The following COL23A1 variants were observed in gnomAD, a reference collection of about 807,000 sequenced individuals.
COL23A1 encodes the protein collagen alpha-1(XXIII) chain.
Under a neutral mutation model 99.3 loss-of-function variants are expected in COL23A1, and 97 were observed. That is an observed-to-expected ratio of 0.98 (90% CI 0.83 to 1.16). The LOEUF is 1.16. Among genes scored for constraint, COL23A1 ranks in the 50% most tolerant of loss-of-function variants. The probability of loss-of-function intolerance (pLI) is 0.00; values close to 1 mark genes in which losing one functional copy is unlikely to be tolerated. For missense variants in COL23A1, 762 were observed against 757.4 expected, an observed-to-expected ratio of 1.01 and a Z score of -0.07; for synonymous variants, 320 against 308.2, an observed-to-expected ratio of 1.04 and a Z score of -0.40.
chr5:178,502,338 A>C (rs542802207), intron 2 of COL23A1, among the ~76,000 whole-genome samples: 1 of 152,126 alleles, frequency 6.6e-6, no homozygotes, highest in Non-Finnish European at 1.5e-5. Context: ...TCACCATGTT[A>C]GCCAGGATGG....
At position 178,288,597 on chromosome 5, in the gene COL23A1, G is replaced by A. The variant is rs1399631818; in HGVS notation, c.415-247C>T. On this transcript the variant is annotated intron_variant, in intron 4 of 28. Coordinates refer to ENST00000390654, the MANE Select transcript of COL23A1 (RefSeq NM_173465.4). ...ATCGGGGCTCCGGGCACAGTCACATGTGTGCCCTCCCCACGCTGGCCAGGC... is the reference window on the plus strand; with the variant it reads ...ATCGGGGCTCCGGGCACAGTCACATATGTGCCCTCCCCACGCTGGCCAGGC... The A allele has an allele frequency of 1.5e-5, 9 of 606,332 alleles. No homozygotes were observed. In the South Asian group the frequency reaches 1.8e-4, roughly 12 times the overall value. The allele number at this position is 606,332 out of a possible 1,614,324, so 37.6% of individuals were successfully genotyped here. A position where few individuals can be genotyped will look rare whatever the true frequency, so the allele number is the denominator to read the frequency against.
chr5:178,256,096 G>C (rs1406060715), intron 15 of COL23A1, among the ~76,000 whole-genome samples: 1 of 152,156 alleles, frequency 6.6e-6, no homozygotes, highest in Non-Finnish European at 1.5e-5. Context: ...TGCGCTTGAG[G>C]GGACCGAGAG....
rs55995523 is a variant in COL23A1, at chr5:178,365,136, C to CGTGT, written c.362-58221_362-58218dup. Among the ~76,000 whole-genome samples, 9,808 of 147,842 alleles carry CGTGT rather than the reference C, an allele frequency of 0.066. 331 individuals are homozygous for CGTGT. The highest frequency in any genetic ancestry group is 0.08 in the Middle Eastern group (23 of 286). On this transcript the variant is annotated intron_variant, in intron 2 of 28. Transcript: ENST00000390654. The surrounding 1 kb of genome is among the most constrained non-coding windows in gnomAD (Gnocchi z 5.2). ...GGGCTTTATGATGTTGCTGTGTGTG[C>CGTGT]GTGTGTGTGTGTGTGTGTGTGTGTG...
chr5:178,255,030 A>G lies in COL23A1; in HGVS notation c.883-4T>C, dbSNP rs1163348725. On this transcript the variant is annotated splice_polypyrimidine_tract_variant and splice_region_variant and intron_variant, in intron 15 of 28. Transcript: ENST00000390654. The surrounding 1 kb of genome is among the most constrained non-coding windows in gnomAD (Gnocchi z 4.2). ...CGCCCTTGAGGCCTGGGGCACCCTG[A>G]GGCAGGAAGAAGAGTAAGAATTTCA... is the stretch of plus-strand genomic sequence containing the variant. 6.2e-7 allele frequency: 1 copy of G among 1,612,664 alleles called. No homozygotes were observed. Among genetic ancestry groups the G allele is most frequent in the Middle Eastern group, 1.7e-4 (1 of 6,054 alleles).
intron 2 of COL23A1, among the ~76,000 whole-genome samples, chr5:178,484,226 G>A (rs1277407750): frequency 1.3e-5 from 2 of 152,020 alleles, no homozygotes; most frequent in East Asian, 3.9e-4. Flanking sequence ...GCCCAACCAA[G>A]ATTTTCAAAA....
chr5:178,387,173 T>C lies in COL23A1; in HGVS notation c.362-80254A>G, dbSNP rs1213485827. 2.0e-5 allele frequency among the ~76,000 whole-genome samples: 3 copies of C among 152,084 alleles called. No homozygotes were observed. Among genetic ancestry groups the C allele is most frequent in the Non-Finnish European group, 4.4e-5 (3 of 68,012 alleles). On this transcript the variant is annotated intron_variant, in intron 2 of 28. Coordinates refer to ENST00000390654, the MANE Select transcript of COL23A1 (RefSeq NM_173465.4). This position sits in a 1 kb window ranked among gnomAD's most constrained non-coding sequence, Gnocchi z 4.7. ...TCTTTCATTTTACCCATCCTGGTGC[T>C]GACAGCTCACAGCAACCCTGCCCGA...
intron 2 of COL23A1, among the ~76,000 whole-genome samples, chr5:178,379,789 G>C (rs988174723): frequency 6.6e-6 from 1 of 151,734 alleles, no homozygotes; most frequent in African/African-American, 2.4e-5. Context: ...GTTGAGGCAG[G>C]AGAATTGCTT....
At chr5:178,274,826 C>A (rs1315463243) in intron 5 of COL23A1, among the ~76,000 whole-genome samples, 1 of 152,196 alleles carries the variant, frequency 6.6e-6, no homozygotes, top group Non-Finnish European at 1.5e-5. Context: ...TGGAGATGCT[C>A]ATGACTGTCC....
intron 2 of COL23A1, among the ~76,000 whole-genome samples, chr5:178,437,096 A>C (rs1025946779): frequency 1.3e-5 from 2 of 152,126 alleles, no homozygotes; most frequent in East Asian, 1.9e-4. Context: ...AGTGGAGTAT[A>C]ATCTTGTTCT....
intron 2 of COL23A1, among the ~76,000 whole-genome samples, chr5:178,513,421 C>T (rs1759324804): frequency 6.6e-6 from 1 of 152,162 alleles, no homozygotes; most frequent in Non-Finnish European, 1.5e-5. Context: ...TGAACCCAGC[C>T]CCACTTTTTT....
At chr5:178,435,786 G>T (rs570368316) in intron 2 of COL23A1, among the ~76,000 whole-genome samples, 2 of 152,314 alleles carry the variant, frequency 1.3e-5, no homozygotes, top group Non-Finnish European at 2.9e-5. Context: ...CCTGGAGAGG[G>T]CACCCCCATC....
rs1758542237 is a variant in COL23A1 at position 178,309,378 on chromosome 5, G to A, written c.362-2459C>T. Among the ~76,000 whole-genome samples the A allele has an allele frequency of 1.3e-5, 2 of 152,082 alleles. No homozygotes were observed. The highest frequency in any genetic ancestry group is 1.3e-4 in the Admixed American group (2 of 15,282). On this transcript the variant is annotated intron_variant, in intron 2 of 28. Transcript: ENST00000390654. The surrounding 1 kb of genome is among the most constrained non-coding windows in gnomAD (Gnocchi z 4.7). ...CTGGGCAGGACTGGGGTGTTGCTGA[G>A]CATACAGGGCCTGTGAGCCGCAGGC... is the stretch of plus-strand genomic sequence containing the variant.
At chr5:178,510,209 C>T (rs1285666070) in intron 2 of COL23A1, among the ~76,000 whole-genome samples, 2 of 152,346 alleles carry the variant, frequency 1.3e-5, no homozygotes, top group Non-Finnish European at 2.9e-5. Context: ...TGCCCTGAAA[C>T]TGGCACTCAC....
chr5:178,522,564 C>T (rs975332469), intron 2 of COL23A1, among the ~76,000 whole-genome samples: 2 of 152,204 alleles, frequency 1.3e-5, no homozygotes, highest in East Asian at 1.9e-4. Flanking sequence ...TGTGACGAGC[C>T]GGTGGTCAGC....
At chr5:178,319,648 C>T (rs1171469691) in intron 2 of COL23A1, among the ~76,000 whole-genome samples, 2 of 152,200 alleles carry the variant, frequency 1.3e-5, no homozygotes, top group Admixed American at 6.5e-5. Context: ...AGGGAACTCT[C>T]GGGGTTCCTC....
chr5:178,344,629 C>T (rs1034105452), intron 2 of COL23A1, among the ~76,000 whole-genome samples: 2 of 150,612 alleles, frequency 1.3e-5, no homozygotes, highest in Admixed American at 6.6e-5. Flanking sequence ...GGCGACAGAG[C>T]GAGATTCTGT....
rs1350973183 is a variant in COL23A1, at chr5:178,366,795, C to T, written c.362-59876G>A. Among the ~76,000 whole-genome samples the T allele has an allele frequency of 6.6e-6, 1 of 152,208 alleles. No homozygotes were observed. The highest frequency in any genetic ancestry group is 1.5e-5 in the Non-Finnish European group (1 of 68,040). ...CATTATCTATTGCTGAGGCTCACAG[C>T]AGATGTCGCCTCTTCCATAAAAGCT... On this transcript the variant is annotated intron_variant, in intron 2 of 28. Coordinates refer to ENST00000390654, the MANE Select transcript of COL23A1 (RefSeq NM_173465.4). This position sits in a 1 kb window ranked among gnomAD's most constrained non-coding sequence, Gnocchi z 4.4.
In COL23A1 at chr5:178,306,011, G is replaced by GTGGCTGGAGGCAGGGAGAGGACA. The variant is rs1382681175; in HGVS notation, c.406+841_406+863dup. Among the ~76,000 whole-genome samples the GTGGCTGGAGGCAGGGAGAGGACA allele has an allele frequency of 1.0e-3, 153 of 152,302 alleles. 2 individuals are homozygous for GTGGCTGGAGGCAGGGAGAGGACA. The South Asian group carries it at 0.021, about 21-fold the overall frequency. On this transcript the variant is annotated intron_variant, in intron 3 of 28. Transcript: ENST00000390654. The surrounding 1 kb of genome is among the most constrained non-coding windows in gnomAD (Gnocchi z 4.1). Reference sequence around the variant, plus strand: ...ACCTCGGGGACCCGGAGGAGAGGATGTGGCTGGAGGCAGGGAGAGGACATG... The same window carrying GTGGCTGGAGGCAGGGAGAGGACA: ...ACCTCGGGGACCCGGAGGAGAGGATGTGGCTGGAGGCAGGGAGAGGACATGGCTGGAGGCAGGGAGAGGACATG...
In COL23A1 at chr5:178,577,801, C is replaced by T. The variant is rs528592736; in HGVS notation, c.294+12103G>A. ...GGAAGCCGAGGTTCGGAAAGGTCAA[C>T]CAACTTGTCCCAGGACGCTGGCCGG... On this transcript the variant is annotated intron_variant, in intron 1 of 28. Coordinates refer to ENST00000390654, the MANE Select transcript of COL23A1 (RefSeq NM_173465.4). Among the ~76,000 whole-genome samples the T allele has an allele frequency of 2.6e-4, 39 of 152,362 alleles. No individual in the cohort carries two copies. The South Asian group carries it at 7.9e-3, about 31-fold the overall frequency.
Sources: allele counts gnomAD v4.1 joint callset (sites outside exome capture counted in the v4.1 genomes callset), GRCh38; gene constraint gnomAD v4.1.1; non-coding constraint Gnocchi (gnomAD v3.1); transcripts MANE v1.5; gene names NCBI Gene and HGNC (gene_info 2026-07-23, HGNC 2026-07-21).